The following CEMIP variants were observed in gnomAD, a reference collection of about 807,000 sequenced individuals.
CEMIP encodes the protein cell migration inducing hyaluronidase 1.
CEMIP carries 105 observed loss-of-function variants against 156.9 expected under a neutral mutation model. The observed-to-expected ratio is 0.67, with a 90% CI of 0.57 to 0.79. The LOEUF is 0.79. CEMIP is among the 30% of genes least tolerant of loss of function. The probability of loss-of-function intolerance (pLI) is 0.00; values close to 1 mark genes in which losing one functional copy is unlikely to be tolerated. For synonymous variants in CEMIP, 676 were observed against 668.4 expected, an observed-to-expected ratio of 1.01 and a Z score of -0.17; for missense variants, 1,457 against 1,769.4, an observed-to-expected ratio of 0.82 and a Z score of 3.17.
At chr15:80,871,531 G>T (rs536240535) in intron 1 of CEMIP, among the ~76,000 whole-genome samples, 1 of 152,184 alleles carries the variant, frequency 6.6e-6, no homozygotes, top group Non-Finnish European at 1.5e-5. Flanking sequence ...TCCACAGAAG[G>T]AAATGTCTTA....
intron 25 of CEMIP, among the ~76,000 whole-genome samples, chr15:80,940,396 C>G (rs956134366): frequency 1.2e-4 from 19 of 152,218 alleles, no homozygotes; most frequent in Non-Finnish European, 4.4e-5. Flanking sequence ...GCCTCAGGAC[C>G]AATCCCATTT....
intron 12 of CEMIP, chr15:80,897,261 A>T (rs1385554905): frequency 2.2e-6 from 1 of 456,076 alleles, no homozygotes; most frequent in East Asian, 6.9e-5. Context: ...CACCATATCT[A>T]TTATTTTGGA....
intron 17 of CEMIP, among the ~76,000 whole-genome samples, chr15:80,922,548 T>C (rs956760828): frequency 1.3e-5 from 2 of 152,218 alleles, no homozygotes; most frequent in African/African-American, 4.8e-5. Context: ...GACGTGGTTC[T>C]GAAGGAAGGT....
chr15:80,799,981 G>A (rs886680801), intron 1 of CEMIP, among the ~76,000 whole-genome samples: 1 of 150,388 alleles, frequency 6.6e-6, no homozygotes, highest in Non-Finnish European at 1.5e-5. Flanking sequence ...CTCCTGAGTA[G>A]CTGGGACTAC....
intron 1 of CEMIP, among the ~76,000 whole-genome samples, chr15:80,840,940 T>C (rs946679476): frequency 2.6e-5 from 4 of 152,204 alleles, no homozygotes; most frequent in Non-Finnish European, 4.4e-5. Flanking sequence ...ACAAAGCAGT[T>C]CTCTGTCCTC....
intron 29 of CEMIP, 150 bp from the exon 30 acceptor site, chr15:80,948,647 G>A (rs1901672581): frequency 9.6e-6 from 10 of 1,041,488 alleles, no homozygotes; most frequent in Non-Finnish European, 1.5e-5. Context: ...CAGTAGCTGA[G>A]CACAGAGCTC....
intron 1 of CEMIP, among the ~76,000 whole-genome samples, chr15:80,787,242 A>C (rs776596280): frequency 3.9e-5 from 6 of 152,242 alleles, no homozygotes; most frequent in Non-Finnish European, 4.4e-5. Context: ...AGCTCTAAAA[A>C]CATAATCATA....
chr15:80,893,194 TAAATGAAATG>T lies in CEMIP; in HGVS notation c.1087-1781_1087-1772del, dbSNP rs148655030. On this transcript the variant is annotated intron_variant, in intron 10 of 29. Transcript: ENST00000394685. ...GAGGCTCTGTCTCAAAATAAATAAA[TAAATGAAATG>T]AAATGAAATGAAATAAAATAAAATA... is the stretch of plus-strand genomic sequence containing the variant. Among the ~76,000 whole-genome samples, 10 of 151,862 alleles carry T rather than the reference TAAATGAAATG, an allele frequency of 6.6e-5. No homozygotes were observed. In the South Asian group the frequency reaches 8.3e-4, roughly 13 times the overall value.
intron 19 of CEMIP, among the ~76,000 whole-genome samples, chr15:80,926,557 CAG>C (rs576266832): frequency 1.2e-4 from 18 of 151,686 alleles, no homozygotes; most frequent in Non-Finnish European, 2.4e-4. Context: ...ACAGCATTGA[CAG>C]AGAGAGCAAG....
At position 80,938,111 on chromosome 15, in the gene CEMIP, C is replaced by T. The variant is rs577470547; in HGVS notation, c.3407+132C>T. The T allele has an allele frequency of 4.7e-4, 358 of 758,682 alleles. 1 individual carries two copies. Among genetic ancestry groups the T allele is most frequent in the Non-Finnish European group, 6.8e-4 (300 of 442,012 alleles). The allele number at this position is 758,682 out of a possible 1,614,324, so 47.0% of individuals were successfully genotyped here. A position where few individuals can be genotyped will look rare whatever the true frequency, so the allele number is the denominator to read the frequency against. On this transcript the variant is annotated intron_variant, in intron 25 of 29. Transcript: ENST00000394685. ...TAAGACACCTTTCTAGGCATTTTGA[C>T]TCTAAGGCTGACTGTCCCATACATT... is the stretch of plus-strand genomic sequence containing the variant.
At chr15:80,796,675 T>A (rs972095227) in intron 1 of CEMIP, among the ~76,000 whole-genome samples, 1 of 152,200 alleles carries the variant, frequency 6.6e-6, no homozygotes, top group African/African-American at 2.4e-5. Context: ...ATATTGCAGT[T>A]GCTTAGACCA....
intron 23 of CEMIP, among the ~76,000 whole-genome samples, chr15:80,935,028 T>C (rs1596204433): frequency 6.6e-6 from 1 of 152,118 alleles, no homozygotes; most frequent in South Asian, 2.1e-4. Flanking sequence ...CTGGAGGCGG[T>C]GCATTTGCAG....
chr15:80,881,183 A>G (rs777684593), intron 6 of CEMIP, 47 bp downstream of exon 6: 1 of 1,535,736 alleles, frequency 6.5e-7, no homozygotes, highest in East Asian at 2.2e-5. Flanking sequence ...TTCAAAGTAC[A>G]CTTATTGAGT....
chr15:80,838,401 T>C (rs1030331691), intron 1 of CEMIP, among the ~76,000 whole-genome samples: 10 of 152,074 alleles, frequency 6.6e-5, no homozygotes, highest in African/African-American at 2.2e-4. Context: ...CTGGAAGCTC[T>C]TTGAAGTTGG....
intron 1 of CEMIP, among the ~76,000 whole-genome samples, chr15:80,804,551 G>T (rs1896462122): frequency 6.6e-6 from 1 of 152,152 alleles, no homozygotes; most frequent in Admixed American, 6.5e-5. Flanking sequence ...CTGGCTCTAG[G>T]CTCTTGTCAG....
chr15:80,884,500 T>A, intron 7 of CEMIP, 146 bp downstream of exon 7: 1 of 842,826 alleles, frequency 1.2e-6, no homozygotes. Flanking sequence ...ATTTGACATC[T>A]GAGTTTGGCA....
chr15:80,793,152 T>A (rs1896125306), intron 1 of CEMIP, among the ~76,000 whole-genome samples: 1 of 152,168 alleles, frequency 6.6e-6, no homozygotes, highest in African/African-American at 2.4e-5. Context: ...TTGACATGGG[T>A]GGCAGCAGGT....
chr15:80,783,887 A>G (rs1459397122), intron 1 of CEMIP, among the ~76,000 whole-genome samples: 2 of 152,154 alleles, frequency 1.3e-5, no homozygotes, highest in Non-Finnish European at 2.9e-5. Flanking sequence ...GGTGTTAGGA[A>G]ACACACATGG....
intron 28 of CEMIP, among the ~76,000 whole-genome samples, chr15:80,944,499 C>T (rs565127750): frequency 1.1e-4 from 16 of 152,120 alleles, no homozygotes; most frequent in Non-Finnish European, 2.1e-4. Context: ...CATGTGGTAC[C>T]TGCTACATAG....
Sources: gnomAD v4.1 joint callset for allele counts (sites outside exome capture counted in the v4.1 genomes callset) on GRCh38, gnomAD v4.1.1 for gene constraint, MANE v1.5 for transcripts, NCBI Gene and HGNC (gene_info 2026-07-23, HGNC 2026-07-21) for gene names.